The following REXO1 variants were observed in gnomAD, a reference collection of about 807,000 sequenced individuals.
REXO1 encodes the protein RNA exonuclease 1 homolog, also known as REX1, RNA exonuclease 1 homolog.
REXO1 carries 42 observed loss-of-function variants against 102.6 expected under a neutral mutation model. The observed-to-expected ratio is 0.41, with a 90% confidence interval of 0.32 to 0.53. REXO1 has a LOEUF of 0.53. Ranked by LOEUF, REXO1 falls within the 20% of genes least tolerant of loss-of-function variation. The probability of loss-of-function intolerance (pLI) is 0.27; values close to 1 mark genes in which losing one functional copy is unlikely to be tolerated. For synonymous variants in REXO1, 908 were observed against 779.1 expected (o/e 1.17, Z -2.76); for missense variants, 1,819 against 1,732.5 (o/e 1.05, Z -0.89).
Position 1,816,039 on chromosome 19 carries a change from G to T in REXO1, c.*27C>A. The T allele has an allele frequency of 6.5e-7, 1 of 1,540,638 alleles. No homozygotes were observed. On this transcript the variant is annotated 3_prime_UTR_variant, in exon 16 of 16. Coordinates refer to ENST00000170168, the MANE Select transcript of REXO1 (RefSeq NM_020695.4). ...GGGCTAAGGACCAGCGGGACGGCAGGAGAGGCGGGTGGGAGGCGGGCAGGC... is the reference window on the plus strand; with the variant it reads ...GGGCTAAGGACCAGCGGGACGGCAGTAGAGGCGGGTGGGAGGCGGGCAGGC...
intron 4 of REXO1, 51 bp from the exon 5 acceptor site, chr19:1,821,733 A>C (rs886805002): frequency 6.5e-7 from 1 of 1,544,184 alleles, no homozygotes; most frequent in African/African-American, 1.4e-5. Flanking sequence ...GCCCATCACC[A>C]CGTGGCGGAG....
At chr19:1,820,852 G>C (rs2069513391) in intron 5 of REXO1, among the ~76,000 whole-genome samples, 1 of 151,984 alleles carries the variant, frequency 6.6e-6, no homozygotes. Flanking sequence ...AAAATTATTA[G>C]CTGGGGTGTG....
At position 1,816,267 on chromosome 19, in the gene REXO1, T is replaced by C; in HGVS notation, c.3535A>G (p.Asn1179Asp). ...LGLPYKRSLR[N>D]LMADYLRQII... ...TGTCTGAGGTAGTCGGCCATGAGGT[T>C]CCGCAGGGACCGCTTGTAGGGGAGG... Residue 1179 changes from asparagine (N) to aspartate (D), a missense_variant, in exon 15 of 16, where the codon AAC becomes GAC. Physicochemically the swap from Asn to Asp is conservative, Grantham distance 23. Transcript: ENST00000170168. 6.3e-7 allele frequency: 1 copy of C among 1,588,660 alleles called. No homozygotes were observed. Among genetic ancestry groups the C allele is most frequent in the Non-Finnish European group, 8.6e-7 (1 of 1,167,870 alleles).
Position 1,815,703 on chromosome 19 carries a change from G to A in REXO1, c.*363C>T, listed in dbSNP as rs1476791410. The A allele has an allele frequency of 3.5e-5, 47 of 1,353,648 alleles. No individual in the cohort carries two copies. Among genetic ancestry groups the A allele is most frequent in the East Asian group, 1.2e-4 (4 of 32,728 alleles). The allele number at this position is 1,353,648 out of a possible 1,614,324, so 83.9% of individuals were successfully genotyped here. On this transcript the variant is annotated 3_prime_UTR_variant, in exon 16 of 16. Coordinates refer to ENST00000170168, the MANE Select transcript of REXO1 (RefSeq NM_020695.4). This position sits in a 1 kb window ranked among gnomAD's most constrained non-coding sequence, Gnocchi z 4.0. ...TCTCAAACAAACCTGGGACAAGCCCGCCCCGCGACCCACGTGAGGAGCAGA... is the reference window on the plus strand; with the variant it reads ...TCTCAAACAAACCTGGGACAAGCCCACCCCGCGACCCACGTGAGGAGCAGA...
chr19:1,844,918 C>T (rs1463126068), intron 1 of REXO1, among the ~76,000 whole-genome samples: 1 of 152,214 alleles, frequency 6.6e-6, no homozygotes, highest in Non-Finnish European at 1.5e-5. Flanking sequence ...ACGTTCCTGC[C>T]GGAGCTGTGA....
At chr19:1,847,111 AAC>A (rs985511499) in intron 1 of REXO1, among the ~76,000 whole-genome samples, 13 of 152,292 alleles carry the variant, frequency 8.5e-5, no homozygotes, top group African/African-American at 2.9e-4. Context: ...CCCCGCCTCA[AAC>A]ACAGCGAAGA....
rs553928577 is a variant in REXO1 at position 1,815,734 on chromosome 19, C to T, written c.*332G>A. 204 of 1,399,752 alleles carry T rather than the reference C, an allele frequency of 1.5e-4. No individual in the cohort carries two copies. In the South Asian group the frequency reaches 1.6e-3, roughly 11 times the overall value. 86.7% of individuals were successfully genotyped at this position (1,399,752 alleles called of 1,614,324 possible). On this transcript the variant is annotated 3_prime_UTR_variant, in exon 16 of 16. Coordinates refer to ENST00000170168, the MANE Select transcript of REXO1 (RefSeq NM_020695.4). The surrounding 1 kb of genome is among the most constrained non-coding windows in gnomAD (Gnocchi z 4.0). ...CGACCCACGTGAGGAGCAGAGGTGC[C>T]GGCCACCACCCGGGAGGGAGGGCCT...
chr19:1,827,046 GGAT>G lies in REXO1; in HGVS notation c.1740_1742del (p.Ser589del). The stretch of plus-strand genomic sequence containing the variant: ...TGGAGGAGGAGGAGGAGGAGGAGGA[GGAT>G]GGGGCGGGGGAGGGGGGCGGGGAGG... On this transcript the variant is annotated inframe_deletion, in exon 2 of 16. Transcript: ENST00000170168. The G allele has an allele frequency of 8.9e-7, 1 of 1,121,776 alleles. No homozygotes were observed. Among genetic ancestry groups the G allele is most frequent in the Non-Finnish European group, 1.3e-6 (1 of 760,582 alleles). The allele number at this position is 1,121,776 out of a possible 1,614,324, so 69.5% of individuals were successfully genotyped here.
rs1229921800 is a variant in REXO1, at chr19:1,828,594, C to A, written c.195G>T (p.Lys65Asn). The change falls in exon 2 of 16, where the codon AAG (lysine) becomes AAT (asparagine). Residue 65 changes from lysine (K) to asparagine (N), a missense_variant. Coordinates refer to ENST00000170168, the MANE Select transcript of REXO1 (RefSeq NM_020695.4). ...TGCCATTCTCCCTCTGCGCGGGGGG[C>A]TTGGGCAGCTCAGGGTTGTAGGGGT... ...GYDPYNPELP[K>N]PPAQRENGTL... 2 of 1,602,884 alleles carry A rather than the reference C, an allele frequency of 1.2e-6. No homozygotes were observed. The highest frequency in any genetic ancestry group is 8.5e-7 in the Non-Finnish European group (1 of 1,179,744).
At chr19:1,843,883 G>A (rs772625819) in intron 1 of REXO1, among the ~76,000 whole-genome samples, 5 of 152,238 alleles carry the variant, frequency 3.3e-5, no homozygotes, top group Admixed American at 2.0e-4. Context: ...GGGAGCTCCT[G>A]ACCCTCCTGA....
chr19:1,839,697 A>C (rs1292672588), intron 1 of REXO1, among the ~76,000 whole-genome samples: 1 of 152,256 alleles, frequency 6.6e-6, no homozygotes, highest in Non-Finnish European at 1.5e-5. Context: ...CGCAGCCTGC[A>C]GGGCACAAAG....
rs531001424 is a variant in REXO1 at position 1,824,802 on chromosome 19, T to TC, written c.2017-1018_2017-1017insG. Among the ~76,000 whole-genome samples the TC allele has an allele frequency of 1.0e-3, 116 of 112,234 alleles. 2 individuals carry two copies. The highest frequency in any genetic ancestry group is 6.7e-3 in the South Asian group (23 of 3,456). The allele number at this position is 112,234 out of a possible 152,430, so 73.6% of individuals were successfully genotyped here. A position where few individuals can be genotyped will look rare whatever the true frequency, so the allele number is the denominator to read the frequency against. The stretch of plus-strand genomic sequence containing the variant: ...TAACTCATTTTATGTATTTATCTTT[T>TC]TGAGACAGAGTCTTGCCTTGTCGCC... On this transcript the variant is annotated intron_variant, in intron 3 of 15. Coordinates refer to ENST00000170168, the MANE Select transcript of REXO1 (RefSeq NM_020695.4).
intron 3 of REXO1, chr19:1,824,161 C>G (rs2069636886): frequency 5.2e-6 from 1 of 193,540 alleles, no homozygotes. Flanking sequence ...CTCCTGGCTG[C>G]TGACCCCGGA....
At chr19:1,825,805 A>AAG in intron 3 of REXO1, 34 bp downstream of exon 3, 1 of 1,296,668 alleles carries the variant, frequency 7.7e-7, no homozygotes, top group Non-Finnish European at 1.1e-6. Context: ...AAAAAAAAAA[A>AAG]GGCTCCTGCT....
At chr19:1,845,102 G>A (rs2011477497) in intron 1 of REXO1, among the ~76,000 whole-genome samples, 1 of 152,198 alleles carries the variant, frequency 6.6e-6, no homozygotes. Flanking sequence ...TCTGAGGTCA[G>A]ATGGGAGGAA....
chr19:1,833,619 G>C (rs900130397), intron 1 of REXO1, among the ~76,000 whole-genome samples: 3 of 152,206 alleles, frequency 2.0e-5, no homozygotes, highest in African/African-American at 7.2e-5. Flanking sequence ...CCACCCAGGG[G>C]GAGGGCTGCG....
rs766353110 is a variant in REXO1 at position 1,828,241 on chromosome 19, G to A, written c.548C>T (p.Ala183Val). 6.7e-5 allele frequency: 107 copies of A among 1,606,156 alleles called. No homozygotes were observed. The East Asian group carries it at 1.1e-3, about 17-fold the overall frequency. The part of the protein sequence containing the change: ...PAEPGSKYSL[A>V]SLDRGQGRGG... ...TCTGCCCTGACCCCTGTCCAGGGAC[G>A]CCAGCGAGTACTTGCTGCCCGGCTC... is the stretch of plus-strand genomic sequence containing the variant. The change falls in exon 2 of 16, where the codon GCG (alanine) becomes GTG (valine). Residue 183 changes from alanine (A) to valine (V), a missense_variant. By Grantham distance (64) the Ala-to-Val change is moderately conservative. Transcript: ENST00000170168.
chr19:1,820,372 G>C lies in REXO1; in HGVS notation c.2418C>G (p.Pro806=), dbSNP rs750600176. Residue 806 remains proline, a synonymous_variant, in exon 6 of 16, where the codon CCC becomes CCG. Coordinates refer to ENST00000170168, the MANE Select transcript of REXO1 (RefSeq NM_020695.4). ...TGGGGACTTTGCCCCCAAACTCTTT[G>C]GGGATAATGGGTTTCTTTAAACTCT... ...SLQSLKKPII[P]KEFGGKVPTV... is the part of the protein sequence containing the mutation. 5.0e-6 allele frequency: 8 copies of C among 1,613,498 alleles called. No individual in the cohort carries two copies. The highest frequency in any genetic ancestry group is 6.8e-6 in the Non-Finnish European group (8 of 1,179,916).
At chr19:1,820,239 C>A in intron 6 of REXO1, 25 bp downstream of exon 6, 1 of 1,603,528 alleles carries the variant, frequency 6.2e-7, no homozygotes, top group Non-Finnish European at 8.5e-7. Context: ...ACCCGACCGG[C>A]CAGATAGGAA....
Sources: allele counts gnomAD v4.1 joint callset (sites outside exome capture counted in the v4.1 genomes callset), GRCh38; gene constraint gnomAD v4.1.1; non-coding constraint Gnocchi (gnomAD v3.1); transcripts MANE v1.5; gene names NCBI Gene and HGNC (gene_info 2026-07-23, HGNC 2026-07-21).